The following MLH3 variants were observed in gnomAD, a reference collection of about 807,000 sequenced individuals.
MLH3 encodes the protein mutL homolog 3, also known as DNA mismatch repair protein Mlh3.
In MLH3, 82 loss-of-function variants were observed where a neutral mutation model predicts 122.2. The observed-to-expected ratio is 0.67, with a 90% confidence interval of 0.56 to 0.81. The LOEUF (loss-of-function observed/expected upper bound fraction) is 0.81, where lower values mean the gene tolerates loss of function less well. Among genes scored for constraint, MLH3 ranks in the 30% least tolerant of loss-of-function variants. MLH3 has a pLI of 0.00. For missense variants in MLH3, 1,539 were observed against 1,714.5 expected, an observed-to-expected ratio of 0.90 and a Z score of 1.81; for synonymous variants, 524 against 599.5, an observed-to-expected ratio of 0.87 and a Z score of 1.84.
In MLH3 at chr14:75,049,468, C is replaced by G; in HGVS notation, c.188G>C (p.Ser63Thr). Reference protein sequence around the residue: ...QVIDNGFGMGSDDVEKVGNRY... With the variant: ...QVIDNGFGMGTDDVEKVGNRY... ...ATTTCCCACTTTCTCTACATCATCA[C>G]TCCCCATCCCAAATCCATTGTCTAT... is the stretch of plus-strand genomic sequence containing the variant. Residue 63 changes from serine (S) to threonine (T), a missense_variant, in exon 2 of 13, where the codon AGT becomes ACT. Coordinates refer to ENST00000355774, the MANE Select transcript of MLH3 (RefSeq NM_001040108.2). The G allele has an allele frequency of 6.2e-7, 1 of 1,614,184 alleles. No individual in the cohort carries two copies. Among genetic ancestry groups the G allele is most frequent in the Non-Finnish European group, 8.5e-7 (1 of 1,180,044 alleles).
chr14:75,029,146 AAAAGAAAG>A (rs550738248), intron 9 of MLH3, among the ~76,000 whole-genome samples: 5 of 139,468 alleles, frequency 3.6e-5, no homozygotes, highest in African/African-American at 1.3e-4. Context: ...AAAAAAAAAA[AAAAGAAAG>A]AAAGAAAGAA....
intron 9 of MLH3, among the ~76,000 whole-genome samples, chr14:75,029,884 T>C (rs1463926147): frequency 6.6e-6 from 1 of 151,988 alleles, no homozygotes; most frequent in Non-Finnish European, 1.5e-5. Flanking sequence ...CAGTGGCTCA[T>C]GCCTGTAGTG....
At chr14:75,037,023 A>C (rs1015824733) in intron 6 of MLH3, among the ~76,000 whole-genome samples, 5 of 151,718 alleles carry the variant, frequency 3.3e-5, no homozygotes, top group Non-Finnish European at 7.4e-5. Context: ...GTACCACCCC[A>C]AAAACAACAT....
At chr14:75,026,855 T>G (rs1164962054) in intron 9 of MLH3, among the ~76,000 whole-genome samples, 2 of 152,112 alleles carry the variant, frequency 1.3e-5, no homozygotes, top group Non-Finnish European at 2.9e-5. Context: ...TCCCAGCACT[T>G]TGGGAGGCCA....
chr14:75,029,266 T>C (rs1035547578), intron 9 of MLH3, among the ~76,000 whole-genome samples: 1 of 152,146 alleles, frequency 6.6e-6, no homozygotes, highest in African/African-American at 2.4e-5. Flanking sequence ...ACCCTCATCA[T>C]TTTCACATTG....
rs34505842 is a variant in MLH3 at position 75,041,577 on chromosome 14, G to GA, written c.3465+37dup. 9,727 of 1,211,856 alleles carry GA rather than the reference G, an allele frequency of 8.0e-3. No individual in the cohort carries two copies. The highest frequency in any genetic ancestry group is 0.01 in the Non-Finnish European group (8,576 of 855,482). 75.1% of individuals were successfully genotyped at this position (1,211,856 alleles called of 1,614,324 possible). A position where few individuals can be genotyped will look rare whatever the true frequency, so the allele number is the denominator to read the frequency against. On this transcript the variant is annotated intron_variant, in intron 4 of 12. Transcript: ENST00000355774. The stretch of plus-strand genomic sequence containing the variant: ...ATTTAAAAAATAAGAAGAAGAAGAA[G>GA]AAAAAAAAAAGGCAAAGAAAAACTG...
chr14:75,042,277 A>G (rs1891906509), intron 3 of MLH3, 102 bp downstream of exon 3: 1 of 960,214 alleles, frequency 1.0e-6, no homozygotes, highest in Non-Finnish European at 1.7e-6. Flanking sequence ...ATTCCAGTAC[A>G]GCACAGCTGG....
At chr14:75,022,638 G>A (rs28757042) in intron 11 of MLH3, among the ~76,000 whole-genome samples, 176 bp downstream of exon 11, 2,525 of 152,258 alleles carry the variant, frequency 0.017, 66 homozygotes, top group African/African-American at 0.059. Context: ...TTTTTGTGTT[G>A]GGATTTTGTT....
chr14:75,040,738 T>C (rs1299226224), intron 4 of MLH3, among the ~76,000 whole-genome samples: 1 of 152,138 alleles, frequency 6.6e-6, no homozygotes, highest in East Asian at 1.9e-4. Flanking sequence ...TGAGGAACTG[T>C]TCCTCCAGTA....
chr14:75,044,855 C>T (rs1892102938), intron 2 of MLH3, among the ~76,000 whole-genome samples: 2 of 152,128 alleles, frequency 1.3e-5, no homozygotes, highest in African/African-American at 2.4e-5. Flanking sequence ...ATTTTAAATA[C>T]GGATACAGAT....
rs2139616400 is a variant in MLH3 at position 75,049,735 on chromosome 14, C to A, written c.-63-17G>T. On this transcript the variant is annotated splice_polypyrimidine_tract_variant and intron_variant, in intron 1 of 12. Coordinates refer to ENST00000355774, the MANE Select transcript of MLH3 (RefSeq NM_001040108.2). The stretch of plus-strand genomic sequence containing the variant: ...AATAATTGCCTATTGGAGAAAAAAA[C>A]CACACACGCACATAATCAAAGCTTT... The A allele has an allele frequency of 2.2e-6, 3 of 1,342,498 alleles. No individual in the cohort carries two copies. Among genetic ancestry groups the A allele is most frequent in the East Asian group, 2.4e-5 (1 of 40,822 alleles). The allele number at this position is 1,342,498 out of a possible 1,614,324, so 83.2% of individuals were successfully genotyped here. A position where few individuals can be genotyped will look rare whatever the true frequency, so the allele number is the denominator to read the frequency against.
Position 75,048,509 on chromosome 14 carries a change from T to C in MLH3, c.1147A>G (p.Thr383Ala). 1 of 1,613,336 alleles carries C rather than the reference T, an allele frequency of 6.2e-7. No homozygotes were observed. The highest frequency in any genetic ancestry group is 1.7e-4 in the Middle Eastern group (1 of 6,060). ...LFDATLQKRVTSDERSNFQEA... is the reference protein window; with the variant it reads ...LFDATLQKRVASDERSNFQEA... The stretch of plus-strand genomic sequence containing the variant: ...TGGAAATTGCTCCTCTCATCGGAAG[T>C]CACACGCTTCTGAAGAGTAGCATCA... Residue 383 changes from threonine to alanine, a missense_variant, in exon 2 of 13, where the codon ACT (threonine) becomes GCT (alanine). Physicochemically the swap from Thr to Ala is moderately conservative, Grantham distance 58 (BLOSUM62 0). Coordinates refer to ENST00000355774, the MANE Select transcript of MLH3 (RefSeq NM_001040108.2).
chr14:75,031,489 C>T (rs1891044973), intron 8 of MLH3, among the ~76,000 whole-genome samples: 1 of 152,190 alleles, frequency 6.6e-6, no homozygotes, highest in African/African-American at 2.4e-5. Flanking sequence ...ATCAGGGAAA[C>T]TCTATCCTAT....
In MLH3 at chr14:75,049,248, A is replaced by G. The variant is rs61755655; in HGVS notation, c.408T>C (p.Asp136=). ...SGKALKACEA[D]VTRASAGTTV... is the part of the protein sequence containing the mutation. Reference sequence around the variant, plus strand: ...TAGTCCCAGCGCTTGCTCTAGTCACATCAGCTTCACAAGCTTTCAGGGCTT... The same window carrying G: ...TAGTCCCAGCGCTTGCTCTAGTCACGTCAGCTTCACAAGCTTTCAGGGCTT... Residue 136 remains aspartate, a synonymous_variant, in exon 2 of 13, where the codon GAT becomes GAC. Transcript: ENST00000355774. 11,320 of 1,614,242 alleles carry G rather than the reference A, an allele frequency of 7.0e-3. 36 individuals carry two copies. The highest frequency in any genetic ancestry group is 8.7e-3 in the Non-Finnish European group (10,253 of 1,180,040).
chr14:75,045,820 T>TACACAC lies in MLH3; in HGVS notation c.3280+550_3280+555dup, dbSNP rs571140284. Among the ~76,000 whole-genome samples the TACACAC allele has an allele frequency of 5.9e-4, 90 of 152,196 alleles. 1 individual carries two copies. Among genetic ancestry groups the TACACAC allele is most frequent in the African/African-American group, 2.0e-3 (85 of 41,534 alleles). On this transcript the variant is annotated intron_variant, in intron 2 of 12. Coordinates refer to ENST00000355774, the MANE Select transcript of MLH3 (RefSeq NM_001040108.2). ...TACCCATCACCCCCTTTCTTACACATACACACACCCATAGACACATATACA... is the reference window on the plus strand; with the variant it reads ...TACCCATCACCCCCTTTCTTACACATACACACACACACACCCATAGACACATATACA...
At position 75,024,985 on chromosome 14, in the gene MLH3, C is replaced by A. The variant is rs28757036; in HGVS notation, c.3988-1967G>T. Among the ~76,000 whole-genome samples, 600 of 152,228 alleles carry A rather than the reference C, an allele frequency of 3.9e-3. 4 individuals are homozygous for A. Among genetic ancestry groups the A allele is most frequent in the African/African-American group, 0.014 (582 of 41,538 alleles). ...GGAAAGAGCTTTGCTGGAAGCAGAGCAAATCTTTGGATCTGTCTGATCCAA... is the reference window on the plus strand; with the variant it reads ...GGAAAGAGCTTTGCTGGAAGCAGAGAAAATCTTTGGATCTGTCTGATCCAA... On this transcript the variant is annotated intron_variant, in intron 9 of 12. Coordinates refer to ENST00000355774, the MANE Select transcript of MLH3 (RefSeq NM_001040108.2).
intron 11 of MLH3, among the ~76,000 whole-genome samples, chr14:75,019,662 T>C (rs1890144966): frequency 6.6e-6 from 1 of 152,182 alleles, no homozygotes; most frequent in African/African-American, 2.4e-5. Context: ...TCTCCATGGA[T>C]CGTCCAATAG....
chr14:75,049,015 A>C lies in MLH3; in HGVS notation c.641T>G (p.Ile214Ser), dbSNP rs772005915. 6.2e-7 allele frequency: 1 copy of C among 1,614,044 alleles called. No homozygotes were observed. The highest frequency in any genetic ancestry group is 1.3e-5 in the African/African-American group (1 of 74,932). Residue 214 changes from isoleucine to serine, a missense_variant, in exon 2 of 13, where the codon ATT (isoleucine) becomes AGT (serine). Ile to Ser is a moderately radical substitution (Grantham distance 142). Transcript: ENST00000355774. ...TKDVCSRFCQ[I>S]YGLGKSQKLR... is the part of the protein sequence containing the mutation. ...CTTTTGGGACTTTCCCAATCCATAA[A>C]TTTGACAAAATCGGGAACATACGTC...
chr14:75,030,692 T>G lies in MLH3; in HGVS notation c.3838A>C (p.Lys1280Gln). 1 of 1,613,988 alleles carries G rather than the reference T, an allele frequency of 6.2e-7. No individual in the cohort carries two copies. Among genetic ancestry groups the G allele is most frequent in the Non-Finnish European group, 8.5e-7 (1 of 1,179,864 alleles). The change falls in exon 9 of 13, where the codon AAA becomes CAA. Residue 1280 changes from lysine to glutamine, a missense_variant. Coordinates refer to ENST00000355774, the MANE Select transcript of MLH3 (RefSeq NM_001040108.2). Reference sequence around the variant, plus strand: ...TCAAGGCCCAGATCTTCCAGATTTTTGTGGTAACACCTAAAGAGATAACCT... The same window carrying G: ...TCAAGGCCCAGATCTTCCAGATTTTGGTGGTAACACCTAAAGAGATAACCT... ...EQRRLLWCYH[K>Q]NLEDLGLEFV...
Sources: gnomAD v4.1 joint callset for allele counts (sites outside exome capture counted in the v4.1 genomes callset) on GRCh38, gnomAD v4.1.1 for gene constraint, MANE v1.5 for transcripts, NCBI Gene and HGNC (gene_info 2026-07-23, HGNC 2026-07-21) for gene names.